Variants in EME2 observed in about 807,000 individuals in gnomAD.
The protein encoded by EME2 is essential meiotic structure-specific endonuclease subunit 2.
In EME2, 58 loss-of-function variants were observed where a neutral mutation model predicts 41.9. That is an observed-to-expected ratio of 1.38 (90% CI 1.12 to 1.72). The LOEUF (loss-of-function observed/expected upper bound fraction) is 1.72, where lower values mean the gene tolerates loss of function less well. EME2 is among the 40% of genes most tolerant of loss of function. The probability of loss-of-function intolerance (pLI) is 0.00; values close to 1 mark genes in which losing one functional copy is unlikely to be tolerated. For synonymous variants in EME2, 334 were observed against 239.3 expected, an observed-to-expected ratio of 1.40 and a Z score of -3.65; for missense variants, 695 against 541.9, an observed-to-expected ratio of 1.28 and a Z score of -2.81.
chr16:1,775,135 A>G lies in EME2; in HGVS notation c.569+3A>G. ...ATCGGGCTGGATGCCTACCTGTGGT[A>G]CCGCTCACTCTCATGCCCACAGCAG... On this transcript the variant is annotated splice_donor_region_variant and intron_variant, in intron 4 of 7. Coordinates refer to ENST00000568449, the MANE Select transcript of EME2 (RefSeq NM_001257370.2). 1 of 1,611,804 alleles carries G rather than the reference A, an allele frequency of 6.2e-7. No homozygotes were observed. The highest frequency in any genetic ancestry group is 8.5e-7 in the Non-Finnish European group (1 of 1,179,788).
In EME2 at chr16:1,776,807, C is replaced by T. The variant is rs776036717; in HGVS notation, c.*569C>T. ...GCATGCAGAGCAAGTTAGGAAAAAC[C>T]GAGGCCCTGTGGGAACAGCAACGCG... On this transcript the variant is annotated 3_prime_UTR_variant, in exon 8 of 8. Coordinates refer to ENST00000568449, the MANE Select transcript of EME2 (RefSeq NM_001257370.2). 7.4e-5 allele frequency: 37 copies of T among 497,390 alleles called. No homozygotes were observed. The highest frequency in any genetic ancestry group is 1.1e-4 in the Non-Finnish European group (32 of 279,966). The allele number at this position is 497,390 out of a possible 1,614,324, so 30.8% of individuals were successfully genotyped here. A position where few individuals can be genotyped will look rare whatever the true frequency, so the allele number is the denominator to read the frequency against.
In EME2 at chr16:1,777,195, G is replaced by T; in HGVS notation, c.*957G>T. ...TGGGGATCGGACACTGGAGCCTTGC[G>T]GCGGCTGCAACTCATGCTCAGGACC... is the stretch of plus-strand genomic sequence containing the variant. On this transcript the variant is annotated 3_prime_UTR_variant, in exon 8 of 8. Coordinates refer to ENST00000568449, the MANE Select transcript of EME2 (RefSeq NM_001257370.2). The T allele has an allele frequency of 1.2e-6, 2 of 1,610,500 alleles. No individual in the cohort carries two copies. The highest frequency in any genetic ancestry group is 1.3e-5 in the African/African-American group (1 of 75,054).
Position 1,781,073 on chromosome 16 carries a change from G to A in EME2, c.*4835G>A. On this transcript the variant is annotated 3_prime_UTR_variant, in exon 8 of 8. Coordinates refer to ENST00000568449, the MANE Select transcript of EME2 (RefSeq NM_001257370.2). ...TCTGTTGAATGAACCAAAAGCAACT[G>A]CCAACCTCTCCATGCACCATGTGTT... is the stretch of plus-strand genomic sequence containing the variant. 2 of 1,147,702 alleles carry A rather than the reference G, an allele frequency of 1.7e-6. No homozygotes were observed. The highest frequency in any genetic ancestry group is 2.4e-6 in the Non-Finnish European group (2 of 847,726). The allele number at this position is 1,147,702 out of a possible 1,614,324, so 71.1% of individuals were successfully genotyped here.
intron 2 of EME2, 132 bp from the exon 3 acceptor site, chr16:1,774,128 T>G (rs1456898466): frequency 1.2e-6 from 1 of 830,464 alleles, no homozygotes; most frequent in Non-Finnish European, 1.9e-6. Flanking sequence ...ACACTGGGCT[T>G]CTGTAGAGCA....
rs1896682315 is a variant in EME2 at position 1,780,820 on chromosome 16, CCT to C, written c.*4584_*4585del. The C allele has an allele frequency of 7.2e-6, 2 of 276,412 alleles. No individual in the cohort carries two copies. Among genetic ancestry groups the C allele is most frequent in the Non-Finnish European group, 1.4e-5 (2 of 140,208 alleles). 17.1% of individuals were successfully genotyped at this position (276,412 alleles called of 1,614,324 possible). A position where few individuals can be genotyped will look rare whatever the true frequency, so the allele number is the denominator to read the frequency against. On this transcript the variant is annotated 3_prime_UTR_variant, in exon 8 of 8. Transcript: ENST00000568449. ...TGATCACGGCTCACTGCAGCCTTGA[CCT>C]CCCTGGCTCAAGCAATCCTCCCAGC...
chr16:1,777,186 G>T lies in EME2; in HGVS notation c.*948G>T. 1 of 1,610,744 alleles carries T rather than the reference G, an allele frequency of 6.2e-7. No homozygotes were observed. Reference sequence around the variant, plus strand: ...GTCGCTGCCTGGGGATCGGACACTGGAGCCTTGCGGCGGCTGCAACTCATG... The same window carrying T: ...GTCGCTGCCTGGGGATCGGACACTGTAGCCTTGCGGCGGCTGCAACTCATG... On this transcript the variant is annotated 3_prime_UTR_variant, in exon 8 of 8. Transcript: ENST00000568449.
At position 1,778,463 on chromosome 16, in the gene EME2, C is replaced by T; in HGVS notation, c.*2225C>T. 1.9e-6 allele frequency: 3 copies of T among 1,611,172 alleles called. No individual in the cohort carries two copies. Among genetic ancestry groups the T allele is most frequent in the Non-Finnish European group, 2.5e-6 (3 of 1,179,188 alleles). ...CGTCTTCCTCTCCGCAGCGGCAGTC[C>T]CTGCCCCGGTGGGCCGAGTGCAGGC... On this transcript the variant is annotated 3_prime_UTR_variant, in exon 8 of 8. Coordinates refer to ENST00000568449, the MANE Select transcript of EME2 (RefSeq NM_001257370.2).
Position 1,773,264 on chromosome 16 carries a change from TGCCAGG to T in EME2, c.41_46del (p.Gln14_Gly15del), listed in dbSNP as rs989061245. 2.7e-6 allele frequency: 4 copies of T among 1,457,582 alleles called. No individual in the cohort carries two copies. Among genetic ancestry groups the T allele is most frequent in the Non-Finnish European group, 3.6e-6 (4 of 1,114,754 alleles). 90.3% of individuals were successfully genotyped at this position (1,457,582 alleles called of 1,614,324 possible). ...TGGACCCGGGAGGGCGGGGGTCTCTTGCCAGGGCCGGGGCCGGGGACGGGGCGGGAG... is the reference window on the plus strand; with the variant it reads ...TGGACCCGGGAGGGCGGGGGTCTCTTGCCGGGGCCGGGGACGGGGCGGGAG... On this transcript the variant is annotated inframe_deletion, in exon 1 of 8. Transcript: ENST00000568449.
chr16:1,776,852 T>C lies in EME2; in HGVS notation c.*614T>C. On this transcript the variant is annotated 3_prime_UTR_variant, in exon 8 of 8. Transcript: ENST00000568449. ...AACGCGGGCTCCAGCCAGGCTCTCGTCCTCGCAGCCTCCCACAAGACCTGG... is the reference window on the plus strand; with the variant it reads ...AACGCGGGCTCCAGCCAGGCTCTCGCCCTCGCAGCCTCCCACAAGACCTGG... 1.8e-6 allele frequency: 1 copy of C among 546,524 alleles called. No individual in the cohort carries two copies. Among genetic ancestry groups the C allele is most frequent in the South Asian group, 2.6e-5 (1 of 39,196 alleles). The allele number at this position is 546,524 out of a possible 1,614,324, so 33.9% of individuals were successfully genotyped here.
At position 1,773,326 on chromosome 16, in the gene EME2, C is replaced by T. The variant is rs2042656099; in HGVS notation, c.99C>T (p.Ile33=). 4 of 1,512,066 alleles carry T rather than the reference C, an allele frequency of 2.6e-6. No individual in the cohort carries two copies. Among genetic ancestry groups the T allele is most frequent in the South Asian group, 1.2e-5 (1 of 80,820 alleles). 93.7% of individuals were successfully genotyped at this position (1,512,066 alleles called of 1,614,324 possible). Residue 33 remains isoleucine (I), a synonymous_variant, in exon 1 of 8, where the codon ATC becomes ATT. Transcript: ENST00000568449. ...AGCGGCGACCTCCAACCTGGGAGAT[C>T]TCAGACTCCGACGCTGAGGACTCCG... ...SGQRRPPTWE[I]SDSDAEDSAG...
chr16:1,773,625 C>T lies in EME2; in HGVS notation c.248-80C>T, dbSNP rs1236601724. The T allele has an allele frequency of 5.2e-6, 8 of 1,542,318 alleles. 1 individual carries two copies. The highest frequency in any genetic ancestry group is 2.2e-4 in the Middle Eastern group (1 of 4,574). ...GGGGTTTGTGCCGAATGGAGACTCC[C>T]CGGTCCGGCCACCCGCCCAGGTAGG... is the stretch of plus-strand genomic sequence containing the variant. On this transcript the variant is annotated intron_variant, in intron 1 of 7. Transcript: ENST00000568449.
Position 1,781,228 on chromosome 16 carries a change from G to A in EME2, c.*4990G>A. On this transcript the variant is annotated 3_prime_UTR_variant, in exon 8 of 8. Transcript: ENST00000568449. ...GCATCCAGGAGACAGGCCCAGGTTT[G>A]GACTGGTCCTCTAGCCTCAGAAGCA... 1 of 1,587,066 alleles carries A rather than the reference G, an allele frequency of 6.3e-7. No individual in the cohort carries two copies. The highest frequency in any genetic ancestry group is 1.1e-5 in the South Asian group (1 of 88,506).
In EME2 at chr16:1,778,034, C is replaced by T. The variant is rs2141987354; in HGVS notation, c.*1796C>T. ...ATTTGTCCAGGTCCACATCCGACGTCCCGATGCCCACCATCTAGGAACAGG... is the reference window on the plus strand; with the variant it reads ...ATTTGTCCAGGTCCACATCCGACGTTCCGATGCCCACCATCTAGGAACAGG... On this transcript the variant is annotated 3_prime_UTR_variant, in exon 8 of 8. Transcript: ENST00000568449. 6.2e-7 allele frequency: 1 copy of T among 1,613,262 alleles called. No homozygotes were observed. Among genetic ancestry groups the T allele is most frequent in the Non-Finnish European group, 8.5e-7 (1 of 1,180,014 alleles).
At chr16:1,773,572 G>T (rs1168188263) in intron 1 of EME2, 98 bp downstream of exon 1, 2 of 1,517,844 alleles carry the variant, frequency 1.3e-6, no homozygotes, top group South Asian at 1.3e-5. Context: ...GTGCCGAGGG[G>T]CCTGGGGCCG....
intron 3 of EME2, 62 bp downstream of exon 3, chr16:1,774,414 C>G (rs1277498072): frequency 7.3e-7 from 1 of 1,361,304 alleles, no homozygotes; most frequent in Admixed American, 1.8e-5. Flanking sequence ...AGCCGGGAGG[C>G]GCCTGCTCCG....
Position 1,776,167 on chromosome 16 carries a change from G to C in EME2, c.1069G>C (p.Asp357His). ...EGGRPRRVGP[D>H]LSRRICLFLT... ...CGGGCGTCCCCGCAGGGTGGGGCCT[G>C]ACCTCTCCCGCCGCATCTGCCTCTT... Residue 357 changes from aspartate (D) to histidine (H), a missense_variant, in exon 8 of 8, where the codon GAC (aspartate) becomes CAC (histidine). Transcript: ENST00000568449. 6.2e-7 allele frequency: 1 copy of C among 1,612,506 alleles called. No homozygotes were observed. Among genetic ancestry groups the C allele is most frequent in the Non-Finnish European group, 8.5e-7 (1 of 1,179,960 alleles).
At chr16:1,775,006 C>G (rs369911602) in intron 3 of EME2, 35 bp from the exon 4 acceptor site, 1 of 1,562,304 alleles carries the variant, frequency 6.4e-7, no homozygotes, top group Non-Finnish European at 8.7e-7. Flanking sequence ...CCGCAGCCTC[C>G]TGTGAACAAC....
Position 1,776,859 on chromosome 16 carries a change from A to G in EME2, c.*621A>G. 3.6e-6 allele frequency: 2 copies of G among 552,888 alleles called. No homozygotes were observed. The highest frequency in any genetic ancestry group is 3.0e-5 in the East Asian group (1 of 32,964). The allele number at this position is 552,888 out of a possible 1,614,324, so 34.2% of individuals were successfully genotyped here. ...GCTCCAGCCAGGCTCTCGTCCTCGC[A>G]GCCTCCCACAAGACCTGGGGCTCAG... On this transcript the variant is annotated 3_prime_UTR_variant, in exon 8 of 8. Coordinates refer to ENST00000568449, the MANE Select transcript of EME2 (RefSeq NM_001257370.2).
In EME2 at chr16:1,773,878, T is replaced by C. The variant is rs1184928263; in HGVS notation, c.384+37T>C. On this transcript the variant is annotated intron_variant, in intron 2 of 7. Transcript: ENST00000568449. ...CGGGTTCCCGAGGGCCAGCCGCGAGTTGGCTGTTTTGCTTCCATGATTTCA... is the reference window on the plus strand; with the variant it reads ...CGGGTTCCCGAGGGCCAGCCGCGAGCTGGCTGTTTTGCTTCCATGATTTCA... 12 of 1,508,170 alleles carry C rather than the reference T, an allele frequency of 8.0e-6. No individual in the cohort carries two copies. In the East Asian group the frequency reaches 2.7e-4, roughly 34 times the overall value. The allele number at this position is 1,508,170 out of a possible 1,614,324, so 93.4% of individuals were successfully genotyped here.
Sources: allele counts gnomAD v4.1 joint callset, GRCh38; gene constraint gnomAD v4.1.1; transcripts MANE v1.5; gene names NCBI Gene and HGNC (gene_info 2026-07-23, HGNC 2026-07-21).